The following GALNT13 variants were observed in gnomAD, a reference collection of about 807,000 sequenced individuals.
GALNT13 encodes polypeptide N-acetylgalactosaminyltransferase 13.
GALNT13 carries 28 observed loss-of-function variants against 64.2 expected under a neutral mutation model. The ratio of observed to expected loss-of-function variants is 0.44; its 90% CI spans 0.32 to 0.60. The LOEUF (loss-of-function observed/expected upper bound fraction) is 0.60. Ranked by LOEUF, GALNT13 falls within the 20% of genes least tolerant of loss-of-function variation. The pLI, the probability that GALNT13 is intolerant of heterozygous loss-of-function variation, is 0.05. For synonymous variants in GALNT13, 214 were observed against 224.6 expected (o/e 0.95, Z 0.42); for missense variants, 577 against 669.8 (o/e 0.86, Z 1.53).
At chr2:153,867,670 G>T (rs1685789915), upstream of GALNT13, among the ~76,000 whole-genome samples, 1 of 151,790 alleles carries the variant, frequency 6.6e-6, no homozygotes, top group South Asian at 2.1e-4. Context: ...CCATAATGTA[G>T]AATCAGTGGG....
chr2:153,161,432 T>G, the GALNT13 span, among the ~76,000 whole-genome samples: 1 of 152,226 alleles, frequency 6.6e-6, no homozygotes, highest in East Asian at 1.9e-4. Flanking sequence ...TAGGGAGAAA[T>G]ACATAAACAT....
the GALNT13 span, among the ~76,000 whole-genome samples, chr2:153,096,678 T>C: frequency 1.2e-4 from 19 of 152,254 alleles, no homozygotes; most frequent in Non-Finnish European, 2.8e-4. Context: ...GTAAGTATAG[T>C]GACTCCTGTT....
At chr2:153,890,498 A>G (rs1348567655) in intron 1 of GALNT13, among the ~76,000 whole-genome samples, 1 of 152,016 alleles carries the variant, frequency 6.6e-6, no homozygotes, top group Non-Finnish European at 1.5e-5. Flanking sequence ...TAAAATTCAC[A>G]CTGCACCCCA....
At chr2:153,516,485 T>G in the GALNT13 span, among the ~76,000 whole-genome samples, 1 of 152,064 alleles carries the variant, frequency 6.6e-6, no homozygotes, top group African/African-American at 2.4e-5. Context: ...AGTAATAGGT[T>G]AAAAAGAGAA....
chr2:154,393,751 G>C (rs1459091753), intron 9 of GALNT13, among the ~76,000 whole-genome samples: 1 of 152,144 alleles, frequency 6.6e-6, no homozygotes, highest in Non-Finnish European at 1.5e-5. Flanking sequence ...CAAATCTGAA[G>C]TGGACAATTA....
At chr2:154,367,598 G>T (rs1000575889) in intron 9 of GALNT13, among the ~76,000 whole-genome samples, 30 of 152,030 alleles carry the variant, frequency 2.0e-4, no homozygotes, top group Admixed American at 2.0e-3. Flanking sequence ...AATAGAATTG[G>T]CCTTCTCATT....
chr2:154,235,103 G>T (rs1329859450), intron 4 of GALNT13, among the ~76,000 whole-genome samples: 1 of 152,072 alleles, frequency 6.6e-6, no homozygotes, highest in African/African-American at 2.4e-5. Context: ...AAGTATGGGA[G>T]CGTTGGAAGT....
rs148953802 is a variant in GALNT13 at position 154,439,257 on chromosome 2, C to T, written c.1530+531C>T. 5.2e-4 allele frequency among the ~76,000 whole-genome samples: 79 copies of T among 152,182 alleles called. No homozygotes were observed. The East Asian group carries it at 0.013, about 25-fold the overall frequency. ...AGTAGCCTCTTCTCAATATAGCACACCTTTCTGACAGAGAAGAGGGAGAGA... is the reference window on the plus strand; with the variant it reads ...AGTAGCCTCTTCTCAATATAGCACATCTTTCTGACAGAGAAGAGGGAGAGA... On this transcript the variant is annotated intron_variant, in intron 12 of 12. Transcript: ENST00000392825.
At chr2:154,169,121 A>C (rs544640618) in intron 4 of GALNT13, among the ~76,000 whole-genome samples, 3 of 152,194 alleles carry the variant, frequency 2.0e-5, no homozygotes, top group African/African-American at 7.2e-5. Flanking sequence ...ACTCCCCGCT[A>C]CCACCACAGG....
chr2:154,017,527 T>G lies in GALNT13; in HGVS notation c.142+72888T>G, dbSNP rs374104513. On this transcript the variant is annotated intron_variant, in intron 3 of 12. Transcript: ENST00000392825. ...TAAAATTTTGTTCTTTATAGATTACTAGGGTGTTATTCATAAGTGCAACAT... is the reference window on the plus strand; with the variant it reads ...TAAAATTTTGTTCTTTATAGATTACGAGGGTGTTATTCATAAGTGCAACAT... 1.3e-3 allele frequency among the ~76,000 whole-genome samples: 201 copies of G among 152,322 alleles called. 6 individuals are homozygous for G. The South Asian group carries it at 0.04, about 30-fold the overall frequency.
chr2:153,936,317 C>A (rs1438261826), intron 2 of GALNT13, among the ~76,000 whole-genome samples: 1 of 152,168 alleles, frequency 6.6e-6, no homozygotes, highest in Non-Finnish European at 1.5e-5. Flanking sequence ...TATACAAATA[C>A]TATGCCATTT....
chr2:153,157,739 C>A, the GALNT13 span, among the ~76,000 whole-genome samples: 2 of 151,918 alleles, frequency 1.3e-5, no homozygotes, highest in African/African-American at 4.8e-5. Context: ...CACTATAGTA[C>A]CAAAACTTTA....
the GALNT13 span, among the ~76,000 whole-genome samples, chr2:153,498,638 G>A: frequency 2.0e-5 from 3 of 152,308 alleles, no homozygotes; most frequent in East Asian, 5.8e-4. Context: ...ATGCAGTGGT[G>A]TCCAGAAGCT....
chr2:153,222,327 T>TGGGGGGGG, the GALNT13 span, among the ~76,000 whole-genome samples: 6 of 95,580 alleles, frequency 6.3e-5, no homozygotes, highest in Non-Finnish European at 8.3e-5. Flanking sequence ...GGGGGGGGGG[T>TGGGGGGGG]GGGGTGGGGG....
chr2:153,097,376 A>C, the GALNT13 span, among the ~76,000 whole-genome samples: 1 of 151,972 alleles, frequency 6.6e-6, no homozygotes, highest in Admixed American at 6.6e-5. Flanking sequence ...CCTTCAGGTG[A>C]TTATTTATTT....
intron 3 of GALNT13, among the ~76,000 whole-genome samples, chr2:154,002,470 C>G (rs1695976634): frequency 6.6e-6 from 1 of 151,702 alleles, no homozygotes; most frequent in Non-Finnish European, 1.5e-5. Context: ...GTTTTTAATT[C>G]ATTTATTGTA....
intron 12 of GALNT13, 43 bp from the exon 13 acceptor site, chr2:154,450,368 A>C: frequency 6.5e-7 from 1 of 1,547,600 alleles, no homozygotes; most frequent in Non-Finnish European, 8.8e-7. Context: ...TAGCAAAGCT[A>C]AAGACGAAAT....
At chr2:153,950,866 G>T (rs975263936) in intron 3 of GALNT13, among the ~76,000 whole-genome samples, 1 of 152,040 alleles carries the variant, frequency 6.6e-6, no homozygotes, top group African/African-American at 2.4e-5. Context: ...CCAAACCTGA[G>T]CATCGCACAA....
At chr2:154,418,767 G>A (rs938086537) in intron 11 of GALNT13, among the ~76,000 whole-genome samples, 1 of 152,168 alleles carries the variant, frequency 6.6e-6, no homozygotes, top group African/African-American at 2.4e-5. Flanking sequence ...ATAGCTCAGA[G>A]TTCATAAATA....
Sources: gnomAD v4.1 joint callset for allele counts (sites outside exome capture counted in the v4.1 genomes callset) on GRCh38, gnomAD v4.1.1 for gene constraint, MANE v1.5 for transcripts, NCBI Gene and HGNC (gene_info 2026-07-23, HGNC 2026-07-21) for gene names.